Variants in TAF2 observed in about 807,000 individuals in gnomAD.
TAF2 encodes transcription initiation factor TFIID subunit 2.
Under a neutral mutation model 138.5 loss-of-function variants are expected in TAF2, and 61 were observed. That is an observed-to-expected ratio of 0.44 (90% confidence interval 0.36 to 0.54). The LOEUF is 0.54. TAF2 is among the 20% of genes least tolerant of loss of function. The pLI, the probability that TAF2 is intolerant of heterozygous loss-of-function variation, is 0.00. For missense variants in TAF2, 1,090 were observed against 1,427.9 expected, an observed-to-expected ratio of 0.76 and a Z score of 3.81; for synonymous variants, 475 against 469.9, an observed-to-expected ratio of 1.01 and a Z score of -0.14.
intron 15 of TAF2, among the ~76,000 whole-genome samples, 182 bp downstream of exon 15, chr8:119,785,019 T>C (rs1407855427): frequency 1.3e-5 from 2 of 152,236 alleles, no homozygotes; most frequent in African/African-American, 4.8e-5. Flanking sequence ...GCAGACTTAC[T>C]TTTTATCTCT....
intron 14 of TAF2, 99 bp from the exon 15 acceptor site, chr8:119,785,365 T>C (rs539169523): frequency 2.7e-5 from 22 of 807,922 alleles, no homozygotes; most frequent in East Asian, 1.0e-4. Context: ...TCACACAACA[T>C]TGAAAGCTAT....
intron 13 of TAF2, 135 bp from the exon 14 acceptor site, chr8:119,788,582 T>C (rs1368156901): frequency 4.7e-5 from 26 of 551,454 alleles, no homozygotes; most frequent in South Asian, 2.5e-4. Flanking sequence ...AGATAGGCAA[T>C]TGGTGCCAAA....
intron 18 of TAF2, among the ~76,000 whole-genome samples, chr8:119,769,957 C>T (rs1262715255): frequency 1.3e-5 from 2 of 151,844 alleles, no homozygotes; most frequent in African/African-American, 4.8e-5. Flanking sequence ...CGGGGTATCA[C>T]CATGTTAGAC....
At position 119,809,785 on chromosome 8, in the gene TAF2, T is replaced by C. The variant is rs577994525; in HGVS notation, c.300-3384A>G. The stretch of plus-strand genomic sequence containing the variant: ...TATCATTTAAGTTTACCATCTTATA[T>C]GCATGCCATCTGTGGCGTCCCCAAA... On this transcript the variant is annotated intron_variant, in intron 3 of 25. Coordinates refer to ENST00000378164, the MANE Select transcript of TAF2 (RefSeq NM_003184.4). 7.2e-5 allele frequency among the ~76,000 whole-genome samples: 11 copies of C among 152,320 alleles called. No individual in the cohort carries two copies. In the East Asian group the frequency reaches 1.9e-3, roughly 27 times the overall value.
At chr8:119,793,498 A>AT (rs777169643) in intron 9 of TAF2, 47 bp from the exon 10 acceptor site, 2 of 1,321,078 alleles carry the variant, frequency 1.5e-6, no homozygotes, top group South Asian at 1.2e-5. Context: ...GTAAAGTAAC[A>AT]TTTTTTTACA....
intron 3 of TAF2, among the ~76,000 whole-genome samples, chr8:119,818,491 C>T (rs1007887716): frequency 2.6e-5 from 4 of 152,046 alleles, no homozygotes; most frequent in Admixed American, 1.3e-4. Context: ...CTCAACTGTA[C>T]TTGATAGTAT....
In TAF2 at chr8:119,803,919, T is replaced by A; in HGVS notation, c.519A>T (p.Arg173Ser). The A allele has an allele frequency of 1.9e-6, 3 of 1,613,972 alleles. No homozygotes were observed. The highest frequency in any genetic ancestry group is 2.5e-6 in the Non-Finnish European group (3 of 1,179,958). ...VPSVEGSMAE[R>S]GAHVFSCGYQ... ...ACCCACAAGAGAAAACATGAGCACC[T>A]CTCTCTGCCATACTTCCCTCTACAC... Residue 173 changes from arginine to serine, a missense_variant, in exon 5 of 26, where the codon AGA becomes AGT. This residue lies in a region of TAF2 where 504 missense variants were observed against 680.9 expected (regional missense o/e 0.74). Transcript: ENST00000378164.
intron 12 of TAF2, 88 bp downstream of exon 12, chr8:119,789,504 C>G: frequency 6.8e-7 from 1 of 1,464,236 alleles, no homozygotes; most frequent in East Asian, 2.3e-5. Context: ...TCCTTGAGTC[C>G]CCCTCAAACC....
At chr8:119,810,017 A>C (rs935168232) in intron 3 of TAF2, among the ~76,000 whole-genome samples, 2 of 151,340 alleles carry the variant, frequency 1.3e-5, no homozygotes, top group East Asian at 1.9e-4. Context: ...AAAAAAAAAA[A>C]CAGTATCTGC....
chr8:119,742,389 A>G (rs954439390), intron 25 of TAF2, 145 bp downstream of exon 25: 26 of 936,094 alleles, frequency 2.8e-5, no homozygotes, highest in Non-Finnish European at 3.3e-5. Context: ...AAAGTTAGAC[A>G]ATATAAGCTC....
chr8:119,806,312 A>G lies in TAF2; in HGVS notation c.389T>C (p.Val130Ala), dbSNP rs1247236363. 1.2e-6 allele frequency: 2 copies of G among 1,613,990 alleles called. No individual in the cohort carries two copies. The highest frequency in any genetic ancestry group is 1.7e-6 in the Non-Finnish European group (2 of 1,179,938). Residue 130 changes from valine to alanine, a missense_variant, in exon 4 of 26, where the codon GTT (valine) becomes GCT (alanine). Physicochemically the swap from Val to Ala is moderately conservative, Grantham distance 64. This residue lies in a region of TAF2 where 504 missense variants were observed against 680.9 expected (regional missense o/e 0.74). Transcript: ENST00000378164. ...DAGNGELCIK[V>A]PSELWKHVDE... is the part of the protein sequence containing the mutation. ...AACGTGTTTCCATAGCTCTGATGGA[A>G]CCTTAATGCAAAGTTCTCCATTTCC...
At chr8:119,786,867 G>A (rs1314404243) in intron 14 of TAF2, among the ~76,000 whole-genome samples, 2 of 152,148 alleles carry the variant, frequency 1.3e-5, no homozygotes, top group Non-Finnish European at 2.9e-5. Flanking sequence ...GTTGCAATGA[G>A]CTGAGATCGC....
chr8:119,819,278 T>C (rs1825678344), intron 3 of TAF2, 68 bp downstream of exon 3: 1 of 1,522,566 alleles, frequency 6.6e-7, no homozygotes, highest in Non-Finnish European at 9.0e-7. Flanking sequence ...TGAGAAAAAC[T>C]AATCCAATCA....
At chr8:119,757,870 T>A (rs887357649) in intron 21 of TAF2, among the ~76,000 whole-genome samples, 4 of 152,096 alleles carry the variant, frequency 2.6e-5, no homozygotes, top group African/African-American at 9.6e-5. Context: ...CACTCCAGCC[T>A]GGGCCACAGA....
chr8:119,801,642 A>G (rs1824270187), intron 6 of TAF2, 152 bp downstream of exon 6: 2 of 729,170 alleles, frequency 2.7e-6, no homozygotes, highest in Admixed American at 2.1e-5. Flanking sequence ...GTTAGCCAGG[A>G]TGGTCTCGAT....
At chr8:119,785,747 C>T (rs1822967453) in intron 14 of TAF2, among the ~76,000 whole-genome samples, 1 of 152,020 alleles carries the variant, frequency 6.6e-6, no homozygotes, top group Admixed American at 6.6e-5. Context: ...GCACAAGGTT[C>T]AAGATAAGCA....
At position 119,744,269 on chromosome 8, in the gene TAF2, T is replaced by A; in HGVS notation, c.3214+19A>T. The A allele has an allele frequency of 6.2e-7, 1 of 1,601,654 alleles. No individual in the cohort carries two copies. Among genetic ancestry groups the A allele is most frequent in the Non-Finnish European group, 8.6e-7 (1 of 1,168,850 alleles). ...CCAATGTCTCCATCTCCTCAATGATTGCAGAATACTAATCTTACCTGGAGT... is the reference window on the plus strand; with the variant it reads ...CCAATGTCTCCATCTCCTCAATGATAGCAGAATACTAATCTTACCTGGAGT... On this transcript the variant is annotated intron_variant, in intron 24 of 25. Transcript: ENST00000378164.
chr8:119,794,494 G>A (rs1823680427), intron 9 of TAF2, among the ~76,000 whole-genome samples: 1 of 151,970 alleles, frequency 6.6e-6, no homozygotes, highest in Admixed American at 6.6e-5. Context: ...ACAGAAAAGT[G>A]GCAAACAGCA....
chr8:119,781,080 C>G lies in TAF2; in HGVS notation c.2226G>C (p.Met742Ile), dbSNP rs1230503046. 1.4e-5 allele frequency: 22 copies of G among 1,613,498 alleles called. No individual in the cohort carries two copies. The highest frequency in any genetic ancestry group is 1.9e-5 in the Non-Finnish European group (22 of 1,179,946). ...CPNIVKTNNF[M>I]SFQSYFLQKT... The stretch of plus-strand genomic sequence containing the variant: ...TCTGTAGAAAATAGCTTTGAAAGCT[C>G]ATAAAGTTGTTTGTTTTCACAATGT... Residue 742 changes from methionine to isoleucine, a missense_variant, in exon 17 of 26, where the codon ATG (methionine) becomes ATC (isoleucine). This residue lies in a region of TAF2 where 580 missense variants were observed against 719.6 expected (regional missense o/e 0.81). Coordinates refer to ENST00000378164, the MANE Select transcript of TAF2 (RefSeq NM_003184.4).
Sources: gnomAD v4.1 joint callset for allele counts (sites outside exome capture counted in the v4.1 genomes callset) on GRCh38, gnomAD v4.1.1 for gene constraint, gnomAD v4.1.1 regional missense constraint, MANE v1.5 for transcripts, NCBI Gene and HGNC (gene_info 2026-07-23, HGNC 2026-07-21) for gene names.